Variants in GALM observed in about 807,000 individuals in gnomAD.
The protein encoded by GALM is aldose 1-epimerase.
GALM carries 43 observed loss-of-function variants against 37.4 expected under a neutral mutation model. The ratio of observed to expected loss-of-function variants is 1.15; its 90% CI spans 0.90 to 1.48. The LOEUF (loss-of-function observed/expected upper bound fraction) is 1.48. GALM is among the 40% of genes most tolerant of loss of function. The pLI is 0.00. For synonymous variants in GALM, 199 were observed against 170.6 expected (o/e 1.17, Z -1.30); for missense variants, 456 against 419.1 (o/e 1.09, Z -0.77).
Position 38,726,226 on chromosome 2 carries a change from T to A in GALM, c.635-3330T>A, listed in dbSNP as rs1450523507. On this transcript the variant is annotated intron_variant, in intron 4 of 6. Coordinates refer to ENST00000272252, the MANE Select transcript of GALM (RefSeq NM_138801.3). Reference sequence around the variant, plus strand: ...AACAAAAGTGCCTTTATTTTTTTTTTTTTATTTTTTTTTTTTTTGAGACGG... The same window carrying A: ...AACAAAAGTGCCTTTATTTTTTTTTATTTATTTTTTTTTTTTTTGAGACGG... 4.1e-4 allele frequency among the ~76,000 whole-genome samples: 13 copies of A among 31,456 alleles called. 1 individual carries two copies. Among genetic ancestry groups the A allele is most frequent in the African/African-American group, 1.7e-3 (12 of 6,914 alleles). 20.6% of individuals were successfully genotyped at this position (31,456 alleles called of 152,430 possible).
intron 2 of GALM, among the ~76,000 whole-genome samples, chr2:38,677,768 C>T (rs1361465636): frequency 1.3e-5 from 2 of 152,058 alleles, no homozygotes; most frequent in Non-Finnish European, 2.9e-5. Context: ...CACAGTAGGC[C>T]AAGGACTCCT....
chr2:38,731,216 G>C (rs1352422339), intron 5 of GALM, among the ~76,000 whole-genome samples: 2 of 151,960 alleles, frequency 1.3e-5, no homozygotes, highest in Non-Finnish European at 2.9e-5. Context: ...GACAGAGCCA[G>C]ACTCCATCTC....
chr2:38,686,702 T>TATA (rs2148433484), intron 3 of GALM, among the ~76,000 whole-genome samples: 1 of 152,260 alleles, frequency 6.6e-6, no homozygotes, highest in Admixed American at 6.5e-5. Flanking sequence ...TACAAAGGAA[T>TATA]ATAACATGGA....
At chr2:38,707,872 C>T (rs1666063530) in intron 4 of GALM, among the ~76,000 whole-genome samples, 1 of 152,006 alleles carries the variant, frequency 6.6e-6, no homozygotes, top group Non-Finnish European at 1.5e-5. Context: ...CTCTGGGAGG[C>T]CGAGGTGGGT....
chr2:38,710,500 C>T (rs1198658311), intron 4 of GALM, among the ~76,000 whole-genome samples: 3 of 152,132 alleles, frequency 2.0e-5, no homozygotes, highest in African/African-American at 4.8e-5. Context: ...AGGCTTAAGG[C>T]ATTAGAAAGT....
intron 6 of GALM, among the ~76,000 whole-genome samples, chr2:38,732,353 C>G (rs535297820): frequency 6.6e-6 from 1 of 152,116 alleles, no homozygotes; most frequent in East Asian, 1.9e-4. Flanking sequence ...CCACTGTGCC[C>G]GGCTCAAAAG....
At chr2:38,725,093 G>C (rs1666458411) in intron 4 of GALM, among the ~76,000 whole-genome samples, 1 of 152,188 alleles carries the variant, frequency 6.6e-6, no homozygotes, top group Admixed American at 6.5e-5. Flanking sequence ...ATTTTGAGTT[G>C]ACTGTGGCTT....
At chr2:38,706,325 G>T (rs1388167902) in intron 4 of GALM, among the ~76,000 whole-genome samples, 1 of 151,198 alleles carries the variant, frequency 6.6e-6, no homozygotes, top group Non-Finnish European at 1.5e-5. Flanking sequence ...TTAGATCATG[G>T]AGGGCTTTCA....
chr2:38,723,823 A>C (rs2148456283), intron 4 of GALM, among the ~76,000 whole-genome samples: 1 of 152,178 alleles, frequency 6.6e-6, no homozygotes, highest in Non-Finnish European at 1.5e-5. Flanking sequence ...GCAAAAACAA[A>C]AAATATGTAT....
In GALM at chr2:38,692,417, T is replaced by C. The variant is rs73930831; in HGVS notation, c.634+2523T>C. On this transcript the variant is annotated intron_variant, in intron 4 of 6. Coordinates refer to ENST00000272252, the MANE Select transcript of GALM (RefSeq NM_138801.3). ...CTAGGAGCCCAGATTTTCTCTCTTT[T>C]TTTCTTTCTGTTTTGTAGAGACAGG... 0.012 allele frequency among the ~76,000 whole-genome samples: 1,886 copies of C among 152,222 alleles called. 87 individuals carry two copies. In the East Asian group the frequency reaches 0.17, roughly 14 times the overall value.
At position 38,733,476 on chromosome 2, in the gene GALM, T is replaced by TC. The variant is rs113347615; in HGVS notation, c.952-8dup. 2.4e-3 allele frequency: 3,835 copies of TC among 1,611,962 alleles called. 92 individuals are homozygous for TC. The African/African-American group carries it at 0.046, about 19-fold the overall frequency. On this transcript the variant is annotated splice_polypyrimidine_tract_variant and intron_variant, in intron 6 of 6. Coordinates refer to ENST00000272252, the MANE Select transcript of GALM (RefSeq NM_138801.3). ...GGTGTCAAGCATCACCTGTGTTGTT[T>TC]CCCCTTCACAGCCCCGCTTCCCTCC...
At chr2:38,704,467 C>T (rs1665997193) in intron 4 of GALM, among the ~76,000 whole-genome samples, 1 of 151,812 alleles carries the variant, frequency 6.6e-6, no homozygotes, top group Non-Finnish European at 1.5e-5. Flanking sequence ...TCCAGGAGTT[C>T]AAGAACCTGA....
chr2:38,705,720 G>C (rs1161469764), intron 4 of GALM, among the ~76,000 whole-genome samples: 1 of 152,182 alleles, frequency 6.6e-6, no homozygotes, highest in East Asian at 1.9e-4. Context: ...CATGTGCAGG[G>C]TCAGCACCTG....
intron 4 of GALM, among the ~76,000 whole-genome samples, chr2:38,692,340 T>C (rs934426614): frequency 6.6e-6 from 1 of 152,210 alleles, no homozygotes; most frequent in Non-Finnish European, 1.5e-5. Flanking sequence ...CCCTGCACTT[T>C]AGGAATGTAA....
At chr2:38,708,517 G>A (rs549345754) in intron 4 of GALM, among the ~76,000 whole-genome samples, 14 of 152,004 alleles carry the variant, frequency 9.2e-5, no homozygotes, top group Middle Eastern at 3.4e-3. Context: ...CGAGGCGGGC[G>A]GATCATGAGG....
intron 4 of GALM, among the ~76,000 whole-genome samples, chr2:38,720,687 GAAC>G (rs1214610017): frequency 6.6e-6 from 1 of 152,168 alleles, no homozygotes; most frequent in Non-Finnish European, 1.5e-5. Flanking sequence ...TAAAAGATTA[GAAC>G]AGGGCTGGAA....
At chr2:38,674,510 G>A (rs1665190683) in intron 1 of GALM, among the ~76,000 whole-genome samples, 1 of 152,158 alleles carries the variant, frequency 6.6e-6, no homozygotes, top group Non-Finnish European at 1.5e-5. Flanking sequence ...GTATAAGTAT[G>A]TCCCATGTAT....
chr2:38,697,555 C>T lies in GALM; in HGVS notation c.634+7661C>T, dbSNP rs115969309. On this transcript the variant is annotated intron_variant, in intron 4 of 6. Transcript: ENST00000272252. ...TTAGGGGTGTTTTTCACCCTGGCTA[C>T]AGACACTCGGTAAATAATTTTTCAG... Among the ~76,000 whole-genome samples the T allele has an allele frequency of 3.7e-3, 568 of 152,314 alleles. 2 individuals carry two copies. Among genetic ancestry groups the T allele is most frequent in the Non-Finnish European group, 6.6e-3 (449 of 68,030 alleles).
rs33924000 is a variant in GALM at position 38,713,904 on chromosome 2, CAAA to C, written c.635-15637_635-15635del. Among the ~76,000 whole-genome samples, 61 of 137,882 alleles carry C rather than the reference CAAA, an allele frequency of 4.4e-4. 1 individual carries two copies. Among genetic ancestry groups the C allele is most frequent in the Middle Eastern group, 3.6e-3 (1 of 280 alleles). The allele number at this position is 137,882 out of a possible 152,430, so 90.5% of individuals were successfully genotyped here. A position where few individuals can be genotyped will look rare whatever the true frequency, so the allele number is the denominator to read the frequency against. ...TGGGCAACAGAGCAAGACCCTGCTTCAAAAAAAAAAAAAAAAATTTACCAGCTG... is the reference window on the plus strand; with the variant it reads ...TGGGCAACAGAGCAAGACCCTGCTTCAAAAAAAAAAAAAATTTACCAGCTG... On this transcript the variant is annotated intron_variant, in intron 4 of 6. Coordinates refer to ENST00000272252, the MANE Select transcript of GALM (RefSeq NM_138801.3).
Sources: gnomAD v4.1 joint callset for allele counts (sites outside exome capture counted in the v4.1 genomes callset) on GRCh38, gnomAD v4.1.1 for gene constraint, MANE v1.5 for transcripts, NCBI Gene and HGNC (gene_info 2026-07-23, HGNC 2026-07-21) for gene names.